Variants in PALLD observed in about 807,000 individuals in gnomAD.
PALLD encodes palladin, cytoskeletal associated protein.
A neutral mutation model predicts 123.5 loss-of-function variants in PALLD; 61 were observed. The observed-to-expected ratio is 0.49, with a 90% CI of 0.40 to 0.61. The LOEUF (loss-of-function observed/expected upper bound fraction) is 0.61. PALLD is among the 20% of genes least tolerant of loss of function. The pLI, the probability that PALLD is intolerant of heterozygous loss-of-function variation, is 0.00. For missense variants in PALLD, 1,273 were observed against 1,377.0 expected (o/e 0.92, Z 1.20); for synonymous variants, 465 against 496.4 (o/e 0.94, Z 0.84).
At chr4:168,497,750 C>T (rs1015935297) in intron 1 of PALLD, among the ~76,000 whole-genome samples, 1 of 152,164 alleles carries the variant, frequency 6.6e-6, no homozygotes, top group Admixed American at 6.5e-5. Context: ...ATAAAATTTA[C>T]ATACATATTT....
At chr4:168,761,268 AT>A (rs1242960587) in intron 10 of PALLD, among the ~76,000 whole-genome samples, 1 of 152,052 alleles carries the variant, frequency 6.6e-6, no homozygotes, top group African/African-American at 2.4e-5. Flanking sequence ...TTGGCTCAGC[AT>A]TTCTCCAACT....
At chr4:168,601,762 T>C (rs1772682175) in intron 2 of PALLD, among the ~76,000 whole-genome samples, 1 of 152,194 alleles carries the variant, frequency 6.6e-6, no homozygotes, top group African/African-American at 2.4e-5. Context: ...TGGGAATTCA[T>C]TCCTTGCTGG....
rs1347038093 is a variant in PALLD at position 168,925,295 on chromosome 4, T to C, written c.*32+17T>C. The C allele has an allele frequency of 2.5e-6, 4 of 1,582,428 alleles. No homozygotes were observed. Among genetic ancestry groups the C allele is most frequent in the African/African-American group, 1.3e-5 (1 of 74,300 alleles). On this transcript the variant is annotated intron_variant, in intron 21 of 21. Coordinates refer to ENST00000505667, the MANE Select transcript of PALLD (RefSeq NM_001166108.2). Reference sequence around the variant, plus strand: ...AATACCCAAGTATCATTCAGGAACTTTGAATTATTAGCAAAATATGCATGT... The same window carrying C: ...AATACCCAAGTATCATTCAGGAACTCTGAATTATTAGCAAAATATGCATGT...
In PALLD at chr4:168,921,516, A is replaced by C; in HGVS notation, c.2851-18A>C. 1 of 1,535,686 alleles carries C rather than the reference A, an allele frequency of 6.5e-7. No individual in the cohort carries two copies. Among genetic ancestry groups the C allele is most frequent in the South Asian group, 1.2e-5 (1 of 84,926 alleles). On this transcript the variant is annotated intron_variant, in intron 17 of 21. Transcript: ENST00000505667. ...TGTTTTAATACAAAAATTTACATGT[A>C]TTTCTTTTATGATTTAGGTCAGTGG...
chr4:168,656,246 C>A (rs903278931), intron 2 of PALLD, among the ~76,000 whole-genome samples: 1 of 105,404 alleles, frequency 9.5e-6, no homozygotes, highest in South Asian at 3.9e-4. Context: ...CACCCCCCCA[C>A]CCCCCACCCC....
At chr4:168,867,298 G>T (rs1366959490) in intron 10 of PALLD, among the ~76,000 whole-genome samples, 1 of 152,170 alleles carries the variant, frequency 6.6e-6, no homozygotes, top group East Asian at 1.9e-4. Context: ...GTTGGTGCTG[G>T]CAGTAGTAGT....
chr4:168,620,029 CA>C (rs35884563), intron 2 of PALLD, among the ~76,000 whole-genome samples: 24,340 of 152,164 alleles, frequency 0.16, 2,179 homozygotes, highest in African/African-American at 0.23. Context: ...GGCAAACGCA[CA>C]ACCTGCTGAC....
At chr4:168,558,694 C>T (rs949886733) in intron 2 of PALLD, among the ~76,000 whole-genome samples, 11 of 152,184 alleles carry the variant, frequency 7.2e-5, no homozygotes, top group African/African-American at 2.4e-4. Context: ...TTATCCACCA[C>T]CATGCTTGTG....
intron 2 of PALLD, among the ~76,000 whole-genome samples, chr4:168,543,409 G>C (rs150340279): frequency 2.6e-5 from 4 of 151,220 alleles, no homozygotes; most frequent in African/African-American, 9.7e-5. Context: ...TACTAGGCAA[G>C]ATGTGGTACT....
At chr4:168,876,875 T>A (rs1207960871) in intron 10 of PALLD, among the ~76,000 whole-genome samples, 1 of 152,212 alleles carries the variant, frequency 6.6e-6, no homozygotes, top group Non-Finnish European at 1.5e-5. Flanking sequence ...AAGGAAAACA[T>A]CCTGGATGTA....
chr4:168,528,145 C>T (rs1362232846), intron 2 of PALLD, among the ~76,000 whole-genome samples: 3 of 152,190 alleles, frequency 2.0e-5, no homozygotes, highest in Non-Finnish European at 2.9e-5. Flanking sequence ...ACAACTGCTA[C>T]ATCCTCCTCC....
At chr4:168,884,330 A>G (rs530524719) in intron 10 of PALLD, among the ~76,000 whole-genome samples, 15 of 152,336 alleles carry the variant, frequency 9.8e-5, no homozygotes, top group Admixed American at 3.9e-4. Flanking sequence ...AGAAAACTGT[A>G]TTCCATACCT....
At chr4:168,555,891 C>A (rs1054876057) in intron 2 of PALLD, among the ~76,000 whole-genome samples, 6 of 152,140 alleles carry the variant, frequency 3.9e-5, no homozygotes, top group Admixed American at 2.0e-4. Context: ...AAAGAGGGAT[C>A]GATTGCAGGC....
intron 11 of PALLD, 57 bp downstream of exon 11, chr4:168,891,114 C>T: frequency 4.5e-6 from 7 of 1,553,050 alleles, no homozygotes; most frequent in Non-Finnish European, 6.2e-6. Flanking sequence ...TACCTTTCTT[C>T]CTTTCTCTAA....
In PALLD at chr4:168,762,763, T is replaced by G. The variant is rs898354058; in HGVS notation, c.1964+50840T>G. On this transcript the variant is annotated intron_variant, in intron 10 of 21. Coordinates refer to ENST00000505667, the MANE Select transcript of PALLD (RefSeq NM_001166108.2). ...CAGCACTGTTCACAATAGCAAAGAC[T>G]TGGAACCAACCCAAATGCCCATCAA... Among the ~76,000 whole-genome samples, 15 of 152,294 alleles carry G rather than the reference T, an allele frequency of 9.8e-5. 1 individual carries two copies. In the East Asian group the frequency reaches 2.9e-3, roughly 29 times the overall value.
chr4:168,751,376 T>C (rs1445537723), intron 10 of PALLD, among the ~76,000 whole-genome samples: 1 of 152,142 alleles, frequency 6.6e-6, no homozygotes, highest in Non-Finnish European at 1.5e-5. Flanking sequence ...TTTGATGAAT[T>C]ATAAAAGCAA....
chr4:168,894,536 A>G (rs1560871986), intron 11 of PALLD, 43 bp from the exon 12 acceptor site: 4 of 1,310,308 alleles, frequency 3.1e-6, no homozygotes, highest in Middle Eastern at 3.6e-4. Context: ...CATATTTGTG[A>G]TTTTTTTCTA....
intron 10 of PALLD, among the ~76,000 whole-genome samples, chr4:168,835,472 G>A (rs1745019863): frequency 6.6e-6 from 1 of 152,170 alleles, no homozygotes. Context: ...TTGAGAAAAA[G>A]CTGCAGAGAA....
chr4:168,891,053 A>G lies in PALLD; in HGVS notation c.2096A>G (p.Gln699Arg). 1 of 1,614,122 alleles carries G rather than the reference A, an allele frequency of 6.2e-7. No homozygotes were observed. ...AAGGAGGACCTCCTGAACAATGGCC[A>G]GCCGGTACTGATAGATTTGGGACCT... ...RFKEDLLNNG[Q>R]PRLTYEERMA... Residue 699 changes from glutamine to arginine, a missense_variant, in exon 11 of 22, where the codon CAG (glutamine) becomes CGG (arginine). Around this residue, in one of 2 missense-constraint regions of PALLD, gnomAD observed 944 missense variants for 954.5 expected, o/e 0.99. Coordinates refer to ENST00000505667, the MANE Select transcript of PALLD (RefSeq NM_001166108.2).
Sources: allele counts gnomAD v4.1 joint callset (sites outside exome capture counted in the v4.1 genomes callset), GRCh38; gene constraint gnomAD v4.1.1; regional missense constraint gnomAD v4.1.1; transcripts MANE v1.5; gene names NCBI Gene and HGNC (gene_info 2026-07-23, HGNC 2026-07-21).